BNC2: variants seen among roughly 807,000 people sequenced by gnomAD.
BNC2 encodes basonuclin zinc finger protein 2.
Under a neutral mutation model 76.3 loss-of-function variants are expected in BNC2, and 20 were observed. That is an observed-to-expected ratio of 0.26 (90% CI 0.18 to 0.38). The LOEUF is 0.38. BNC2 is among the 10% of genes least tolerant of loss of function. BNC2 has a pLI of 1.00. For synonymous variants in BNC2, 582 were observed against 514.8 expected, an observed-to-expected ratio of 1.13 and a Z score of -1.77; for missense variants, 1,382 against 1,399.8, an observed-to-expected ratio of 0.99 and a Z score of 0.20.
intron 4 of BNC2, among the ~76,000 whole-genome samples, chr9:16,562,412 G>A (rs937871888): frequency 1.3e-5 from 2 of 152,134 alleles, no homozygotes; most frequent in African/African-American, 4.8e-5. Flanking sequence ...ATATTTTCCT[G>A]TCCCTACAAA....
At chr9:16,578,954 A>G (rs1359511171) in intron 4 of BNC2, among the ~76,000 whole-genome samples, 2 of 152,194 alleles carry the variant, frequency 1.3e-5, no homozygotes, top group Non-Finnish European at 2.9e-5. Context: ...CCATCAACTA[A>G]ATTATTACAG....
Position 16,865,430 on chromosome 9 carries a change from T to C in BNC2, c.3+5216A>G, listed in dbSNP as rs376492016. ...AACTCTCAAAGCCACCTTCTACTCA[T>C]TGAAAAACTTCACAGCAGTTACTAG... is the stretch of plus-strand genomic sequence containing the variant. On this transcript the variant is annotated intron_variant, in intron 1 of 6. Transcript: ENST00000380672. Among the ~76,000 whole-genome samples the C allele has an allele frequency of 2.2e-4, 33 of 152,276 alleles. No homozygotes were observed. The East Asian group carries it at 3.7e-3, about 17-fold the overall frequency.
At position 16,850,330 on chromosome 9, in the gene BNC2, G is replaced by A. The variant is rs139431703; in HGVS notation, c.3+20316C>T. Among the ~76,000 whole-genome samples the A allele has an allele frequency of 3.5e-3, 527 of 152,224 alleles. 4 individuals are homozygous for A. The highest frequency in any genetic ancestry group is 4.8e-3 in the Non-Finnish European group (328 of 68,016). Reference sequence around the variant, plus strand: ...ATTTATAAGCATGCATGTATGGTACGCATGAATCTATAAGTGCACAAAATA... The same window carrying A: ...ATTTATAAGCATGCATGTATGGTACACATGAATCTATAAGTGCACAAAATA... On this transcript the variant is annotated intron_variant, in intron 1 of 6. Transcript: ENST00000380672.
chr9:16,647,085 C>G (rs1433247049), intron 3 of BNC2, among the ~76,000 whole-genome samples: 1 of 152,086 alleles, frequency 6.6e-6, no homozygotes, highest in African/African-American at 2.4e-5. Flanking sequence ...TAAATGCAAC[C>G]TGGTTGTAGA....
chr9:16,591,321 G>A (rs1351679152), intron 3 of BNC2, among the ~76,000 whole-genome samples: 1 of 152,126 alleles, frequency 6.6e-6, no homozygotes, highest in African/African-American at 2.4e-5. Flanking sequence ...GAATGTAAAA[G>A]AATATCCACC....
chr9:16,828,335 TC>T, intron 1 of BNC2, among the ~76,000 whole-genome samples: 1 of 152,316 alleles, frequency 6.6e-6, no homozygotes, highest in East Asian at 1.9e-4. Context: ...TACCTGAACT[TC>T]CAGGTATCAA....
At chr9:16,423,610 G>A (rs1444227625) in intron 6 of BNC2, among the ~76,000 whole-genome samples, 2 of 152,192 alleles carry the variant, frequency 1.3e-5, no homozygotes, top group African/African-American at 4.8e-5. Flanking sequence ...ATATGCATGA[G>A]TCTTCAAAAA....
chr9:16,439,065 G>C (rs2130886199), intron 5 of BNC2, among the ~76,000 whole-genome samples: 1 of 152,230 alleles, frequency 6.6e-6, no homozygotes, highest in Middle Eastern at 3.4e-3. Flanking sequence ...TTTATAAAGG[G>C]GAATTCCCCT....
chr9:16,810,999 T>C (rs945946623), intron 1 of BNC2, among the ~76,000 whole-genome samples: 4 of 148,400 alleles, frequency 2.7e-5, no homozygotes, highest in African/African-American at 1.0e-4. Context: ...CGGGCAGATC[T>C]CAAGGTCAGG....
intron 6 of BNC2, among the ~76,000 whole-genome samples, chr9:16,421,977 G>C (rs1019045891): frequency 1.1e-4 from 16 of 152,170 alleles, no homozygotes; most frequent in Middle Eastern, 3.4e-3. Flanking sequence ...CCACTTCCTA[G>C]GTTCACTGCT....
chr9:16,579,493 G>T (rs758557525), intron 4 of BNC2, among the ~76,000 whole-genome samples: 1 of 152,046 alleles, frequency 6.6e-6, no homozygotes, highest in African/African-American at 2.4e-5. Flanking sequence ...ATGTTGCCCA[G>T]GTTGGTCTTG....
intron 1 of BNC2, among the ~76,000 whole-genome samples, chr9:16,797,893 G>A (rs1410406050): frequency 6.6e-6 from 1 of 152,118 alleles, no homozygotes; most frequent in Non-Finnish European, 1.5e-5. Flanking sequence ...CAGAAGGAAA[G>A]TATGGGATAT....
chr9:16,522,110 T>C (rs79948524), intron 5 of BNC2, among the ~76,000 whole-genome samples: 86 of 152,258 alleles, frequency 5.6e-4, no homozygotes, highest in African/African-American at 1.9e-3. Flanking sequence ...AAGAGCTCCA[T>C]TGTGCAGGCC....
At chr9:16,428,468 T>C (rs527917504) in intron 6 of BNC2, among the ~76,000 whole-genome samples, 1 of 152,350 alleles carries the variant, frequency 6.6e-6, no homozygotes, top group East Asian at 1.9e-4. Flanking sequence ...AGATGTCTAT[T>C]CTGGCAATTA....
chr9:16,797,882 T>C (rs998567407), intron 1 of BNC2, among the ~76,000 whole-genome samples: 1 of 152,102 alleles, frequency 6.6e-6, no homozygotes, highest in Non-Finnish European at 1.5e-5. Flanking sequence ...AAGACTGCCT[T>C]CAGAAGGAAA....
At chr9:16,838,660 G>A (rs1032539001) in intron 1 of BNC2, among the ~76,000 whole-genome samples, 1 of 152,178 alleles carries the variant, frequency 6.6e-6, no homozygotes, top group Non-Finnish European at 1.5e-5. Flanking sequence ...TACCACATAT[G>A]AACTGCATAA....
intron 5 of BNC2, among the ~76,000 whole-genome samples, chr9:16,523,070 G>A (rs976148401): frequency 2.0e-5 from 3 of 152,294 alleles, no homozygotes; most frequent in South Asian, 2.1e-4. Context: ...AAGCAGAACT[G>A]GTGAGAGAAA....
At chr9:16,600,407 G>A (rs1482399452) in intron 3 of BNC2, among the ~76,000 whole-genome samples, 1 of 152,160 alleles carries the variant, frequency 6.6e-6, no homozygotes, top group African/African-American at 2.4e-5. Flanking sequence ...CTGAGACACA[G>A]CTGCCAGATG....
chr9:16,870,663 T>C lies in BNC2; in HGVS notation c.-15A>G, dbSNP rs766418789. On this transcript the variant is annotated 5_prime_UTR_variant, in exon 1 of 7. Transcript: ENST00000380672. Reference sequence around the variant, plus strand: ...CTTCTTACCATCTCGGCATGCTGGTTGTCAAGTGCAGCCCCCGCCTCTTGG... The same window carrying C: ...CTTCTTACCATCTCGGCATGCTGGTCGTCAAGTGCAGCCCCCGCCTCTTGG... The C allele has an allele frequency of 1.2e-6, 2 of 1,610,424 alleles. No individual in the cohort carries two copies. The highest frequency in any genetic ancestry group is 2.2e-5 in the South Asian group (2 of 90,612).
Sources: gnomAD v4.1 joint callset for allele counts (sites outside exome capture counted in the v4.1 genomes callset) on GRCh38, gnomAD v4.1.1 for gene constraint, MANE v1.5 for transcripts, NCBI Gene and HGNC (gene_info 2026-07-23, HGNC 2026-07-21) for gene names.